The following SNUPN variants were observed in gnomAD, a reference collection of about 807,000 sequenced individuals.
SNUPN encodes snurportin-1.
Under a neutral mutation model 39.2 loss-of-function variants are expected in SNUPN, and 31 were observed. That is an observed-to-expected ratio of 0.79 (90% CI 0.59 to 1.07). SNUPN has a LOEUF of 1.07. Among genes scored for constraint, SNUPN ranks in the 50% least tolerant of loss-of-function variants. The probability of loss-of-function intolerance (pLI) is 0.00; values close to 1 mark genes in which losing one functional copy is unlikely to be tolerated. For missense variants in SNUPN, 382 were observed against 434.2 expected, an observed-to-expected ratio of 0.88 and a Z score of 1.07; for synonymous variants, 132 against 159.0, an observed-to-expected ratio of 0.83 and a Z score of 1.28.
rs1013027802 is a variant in SNUPN at position 75,618,403 on chromosome 15, C to T, written c.159-851G>A. ...CTTTCTCAGAAGCCAGGCCTTTCTC[C>T]AGTTCCTGTCTAACTTTCAAAAAAG... On this transcript the variant is annotated intron_variant, in intron 2 of 8. Coordinates refer to ENST00000308588, the MANE Select transcript of SNUPN (RefSeq NM_005701.4). Among the ~76,000 whole-genome samples, 57 of 152,158 alleles carry T rather than the reference C, an allele frequency of 3.7e-4. 1 individual carries two copies. The highest frequency in any genetic ancestry group is 1.4e-3 in the African/African-American group (56 of 41,448).
At chr15:75,610,034 G>A (rs1214801687) in intron 3 of SNUPN, 40 bp from the exon 4 acceptor site, 1 of 1,471,788 alleles carries the variant, frequency 6.8e-7, no homozygotes, top group Non-Finnish European at 9.5e-7. Flanking sequence ...CAGCAGGGGT[G>A]TGCTACTCGA....
chr15:75,622,522 T>TCA, intron 1 of SNUPN: 1 of 979,150 alleles, frequency 1.0e-6, no homozygotes, highest in South Asian at 4.7e-5. Flanking sequence ...AAAGGTGAAT[T>TCA]CACACTTCAT....
rs1423659976 is a variant in SNUPN, at chr15:75,617,300, T to C, written c.303+108A>G. 4.1e-6 allele frequency: 5 copies of C among 1,212,994 alleles called. No individual in the cohort carries two copies. In the African/African-American group the frequency reaches 7.6e-5, roughly 18 times the overall value. 75.1% of individuals were successfully genotyped at this position (1,212,994 alleles called of 1,614,324 possible). ...TGTTCTTTGCAGTTCCTATTCCTTTTTCCTGCCTCATTCTCCTCTCTTTAT... is the reference window on the plus strand; with the variant it reads ...TGTTCTTTGCAGTTCCTATTCCTTTCTCCTGCCTCATTCTCCTCTCTTTAT... On this transcript the variant is annotated intron_variant, in intron 3 of 8. Coordinates refer to ENST00000308588, the MANE Select transcript of SNUPN (RefSeq NM_005701.4).
chr15:75,605,271 T>A, intron 6 of SNUPN, 44 bp from the exon 7 acceptor site: 1 of 1,357,130 alleles, frequency 7.4e-7, no homozygotes, highest in Non-Finnish European at 1.0e-6. Context: ...ACTTTCCATT[T>A]CAAACTCTAA....
intron 3 of SNUPN, among the ~76,000 whole-genome samples, chr15:75,610,200 C>T (rs558315952): frequency 4.1e-4 from 62 of 151,950 alleles, no homozygotes; most frequent in Middle Eastern, 3.4e-3. Flanking sequence ...GAGTTCAAGA[C>T]CAGCCTGGCC....
At chr15:75,625,421 G>A (rs564247733) in intron 1 of SNUPN, 2 of 151,278 alleles carry the variant, frequency 1.3e-5, no homozygotes, top group Non-Finnish European at 2.9e-5. Context: ...CCTTTTTCTA[G>A]GCATGGGGTC....
At chr15:75,609,522 T>C (rs1892725507) in intron 5 of SNUPN, 36 bp downstream of exon 5, 1 of 1,548,834 alleles carries the variant, frequency 6.5e-7, no homozygotes, top group Non-Finnish European at 8.9e-7. Context: ...TACACTGTCT[T>C]TTACTGATCA....
rs542431068 is a variant in SNUPN, at chr15:75,603,423, A to T, written c.678+1727T>A. ...ACGCCTGTAATCCCAGCACTTTGGG[A>T]GGCTGAGGCAGGCAGATCACAAGGT... On this transcript the variant is annotated intron_variant, in intron 7 of 8. Transcript: ENST00000308588. Among the ~76,000 whole-genome samples, 8 of 148,158 alleles carry T rather than the reference A, an allele frequency of 5.4e-5. No homozygotes were observed. In the East Asian group the frequency reaches 1.5e-3, roughly 27 times the overall value.
chr15:75,624,219 G>A (rs1422224360), intron 1 of SNUPN, among the ~76,000 whole-genome samples: 1 of 150,296 alleles, frequency 6.7e-6, no homozygotes, highest in Non-Finnish European at 1.5e-5. Context: ...GAGCCACCGC[G>A]CCCGGCCGAT....
chr15:75,616,595 G>A (rs1418867249), intron 3 of SNUPN, among the ~76,000 whole-genome samples: 1 of 152,124 alleles, frequency 6.6e-6, no homozygotes, highest in Non-Finnish European at 1.5e-5. Context: ...TCAGGCCCAG[G>A]AACCATATTC....
rs544107914 is a variant in SNUPN, at chr15:75,618,305, C to T, written c.159-753G>A. ...CTTCTGGAGATTTCTGCCTTATACA[C>T]CTTTTTTGTTTTTAAAGAGAACTTT... On this transcript the variant is annotated intron_variant, in intron 2 of 8. Transcript: ENST00000308588. Among the ~76,000 whole-genome samples, 47 of 152,250 alleles carry T rather than the reference C, an allele frequency of 3.1e-4. 1 individual carries two copies. The South Asian group carries it at 7.5e-3, about 24-fold the overall frequency.
At chr15:75,620,833 T>C in intron 2 of SNUPN, 61 bp downstream of exon 2, 3 of 1,465,158 alleles carry the variant, frequency 2.0e-6, no homozygotes, top group Non-Finnish European at 2.8e-6. Flanking sequence ...GCCTAGAGCC[T>C]TCGGAATGGT....
At chr15:75,599,836 A>C (rs1387215943) in intron 8 of SNUPN, among the ~76,000 whole-genome samples, 1 of 140,516 alleles carries the variant, frequency 7.1e-6, no homozygotes, top group African/African-American at 2.6e-5. Flanking sequence ...GACTGGGCAG[A>C]TTTTTTTTTT....
intron 3 of SNUPN, among the ~76,000 whole-genome samples, chr15:75,612,769 G>C (rs554328029): frequency 6.6e-6 from 1 of 151,870 alleles, no homozygotes; most frequent in Non-Finnish European, 1.5e-5. Context: ...TCCCTTCTGC[G>C]TCTCATAACC....
chr15:75,624,483 AC>A (rs999705185), intron 1 of SNUPN, among the ~76,000 whole-genome samples: 5 of 125,564 alleles, frequency 4.0e-5, no homozygotes, highest in East Asian at 5.1e-4. Context: ...ACACAGTGAA[AC>A]CCCGTCTCTA....
At chr15:75,616,879 TG>T (rs1426148432) in intron 3 of SNUPN, among the ~76,000 whole-genome samples, 1 of 152,212 alleles carries the variant, frequency 6.6e-6, no homozygotes, top group Non-Finnish European at 1.5e-5. Flanking sequence ...GCCAGCTGGC[TG>T]GTCTGGGGTG....
rs2075321303 is a variant in SNUPN, at chr15:75,605,144, C to A, written c.678+6G>T. 6.9e-6 allele frequency: 11 copies of A among 1,598,908 alleles called. No homozygotes were observed. The highest frequency in any genetic ancestry group is 2.2e-5 in the East Asian group (1 of 44,768). ...GGAACTCAGTGATCCTAACACCAGG[C>A]CTTACAGGATTAAGCTTGGTTTTCT... On this transcript the variant is annotated splice_donor_region_variant and intron_variant, in intron 7 of 8. Coordinates refer to ENST00000308588, the MANE Select transcript of SNUPN (RefSeq NM_005701.4).
chr15:75,620,411 A>C (rs918533649), intron 2 of SNUPN, among the ~76,000 whole-genome samples: 45 of 152,184 alleles, frequency 3.0e-4, no homozygotes, highest in African/African-American at 9.9e-4. Flanking sequence ...AGAATTAAGT[A>C]TATGGAAGAC....
intron 7 of SNUPN, among the ~76,000 whole-genome samples, chr15:75,601,448 G>T (rs2075286067): frequency 6.6e-6 from 1 of 152,102 alleles, no homozygotes; most frequent in African/African-American, 2.4e-5. Flanking sequence ...AGTGGCATGT[G>T]CCTGTAGTCC....
Sources: allele counts gnomAD v4.1 joint callset (sites outside exome capture counted in the v4.1 genomes callset), GRCh38; gene constraint gnomAD v4.1.1; transcripts MANE v1.5; gene names NCBI Gene and HGNC (gene_info 2026-07-23, HGNC 2026-07-21).